MFHAS1: variants seen among roughly 807,000 people sequenced by gnomAD.
MFHAS1 encodes multifunctional ROCO family signaling regulator 1, also known as malignant fibrous histiocytoma-amplified sequence 1.
Under a neutral mutation model 70.4 loss-of-function variants are expected in MFHAS1, and 50 were observed. That is an observed-to-expected ratio of 0.71 (90% confidence interval 0.57 to 0.90). The LOEUF (loss-of-function observed/expected upper bound fraction) is 0.90. Ranked by LOEUF, MFHAS1 falls within the 40% of genes least tolerant of loss-of-function variation. The pLI, the probability that MFHAS1 is intolerant of heterozygous loss-of-function variation, is 0.00. For synonymous variants in MFHAS1, 952 were observed against 620.0 expected, an observed-to-expected ratio of 1.54 and a Z score of -7.96; for missense variants, 1,795 against 1,347.6, an observed-to-expected ratio of 1.33 and a Z score of -5.20.
intron 1 of MFHAS1, among the ~76,000 whole-genome samples, chr8:8,843,255 G>A (rs539552300): frequency 6.3e-5 from 9 of 142,046 alleles, no homozygotes; most frequent in Non-Finnish European, 9.0e-5. Context: ...CCGCCTGGGC[G>A]ACAGAGCGAG....
intron 1 of MFHAS1, among the ~76,000 whole-genome samples, chr8:8,866,437 G>A (rs1391520389): frequency 6.6e-6 from 1 of 151,332 alleles, no homozygotes; most frequent in African/African-American, 2.4e-5. Flanking sequence ...TCCCACCTCA[G>A]CCTCCCCAAC....
chr8:8,846,713 G>C (rs1808051636), intron 1 of MFHAS1, among the ~76,000 whole-genome samples: 1 of 151,900 alleles, frequency 6.6e-6, no homozygotes, highest in Non-Finnish European at 1.5e-5. Context: ...TGCCTCAAAT[G>C]CTCTTCCCTC....
intron 1 of MFHAS1, among the ~76,000 whole-genome samples, chr8:8,842,388 G>T (rs906048872): frequency 2.6e-5 from 4 of 152,014 alleles, no homozygotes. Context: ...GTTTCACCAC[G>T]TTCACCAGGC....
chr8:8,826,883 C>A (rs1563192050), intron 1 of MFHAS1, among the ~76,000 whole-genome samples: 1 of 152,174 alleles, frequency 6.6e-6, no homozygotes, highest in Non-Finnish European at 1.5e-5. Context: ...AACACACCCA[C>A]ATAATTAGTA....
chr8:8,854,132 C>A (rs1169624959), intron 1 of MFHAS1, among the ~76,000 whole-genome samples: 1 of 152,142 alleles, frequency 6.6e-6, no homozygotes, highest in Non-Finnish European at 1.5e-5. Flanking sequence ...TGTGGTGGCT[C>A]ACAGCTGTAA....
In MFHAS1 at chr8:8,891,328, G is replaced by C. The variant is rs1333658401; in HGVS notation, c.1731C>G (p.Asp577Glu). Residue 577 changes from aspartate to glutamate, a missense_variant, in exon 1 of 3, where the codon GAC becomes GAG. Physicochemically the swap from Asp to Glu is conservative, Grantham distance 45. Transcript: ENST00000276282. This position sits in a 1 kb window ranked among gnomAD's most constrained non-coding sequence, Gnocchi z 5.4. ...EGLSRLAKVVDEALARDFELR... is the reference protein window; with the variant it reads ...EGLSRLAKVVEEALARDFELR... Reference sequence around the variant, plus strand: ...GCTCGAAGTCCCGGGCCAGTGCCTCGTCCACCACCTTGGCCAAGCGGCTCA... The same window carrying C: ...GCTCGAAGTCCCGGGCCAGTGCCTCCTCCACCACCTTGGCCAAGCGGCTCA... 3 of 1,611,156 alleles carry C rather than the reference G, an allele frequency of 1.9e-6. No homozygotes were observed. Among genetic ancestry groups the C allele is most frequent in the African/African-American group, 1.3e-5 (1 of 75,074 alleles).
chr8:8,873,686 G>A, intron 1 of MFHAS1, among the ~76,000 whole-genome samples: 1 of 151,970 alleles, frequency 6.6e-6, no homozygotes, highest in East Asian at 1.9e-4. Context: ...TGGAACTCGA[G>A]AGGATGGTTC....
rs137963374 is a variant in MFHAS1, at chr8:8,835,240, T to C, written c.2999-37749A>G. ...TGAATGCATGTCAAAACCCATAGAATCTATCACACACTTAAAAAAATAGGT... is the reference window on the plus strand; with the variant it reads ...TGAATGCATGTCAAAACCCATAGAACCTATCACACACTTAAAAAAATAGGT... On this transcript the variant is annotated intron_variant, in intron 1 of 2. Coordinates refer to ENST00000276282, the MANE Select transcript of MFHAS1 (RefSeq NM_004225.3). 1.1e-4 allele frequency among the ~76,000 whole-genome samples: 16 copies of C among 152,274 alleles called. No individual in the cohort carries two copies. The East Asian group carries it at 3.1e-3, about 29-fold the overall frequency.
intron 1 of MFHAS1, among the ~76,000 whole-genome samples, chr8:8,800,534 T>C (rs1252139366): frequency 6.6e-6 from 1 of 152,126 alleles, no homozygotes; most frequent in Non-Finnish European, 1.5e-5. Context: ...TGCAGGTCTG[T>C]AAACCAACCC....
intron 1 of MFHAS1, among the ~76,000 whole-genome samples, chr8:8,825,965 G>A (rs1490821040): frequency 6.6e-6 from 1 of 152,188 alleles, no homozygotes; most frequent in Non-Finnish European, 1.5e-5. Flanking sequence ...TTTTGCAGTT[G>A]AGGCTGAAGT....
chr8:8,834,504 G>C (rs1807527642), intron 1 of MFHAS1, among the ~76,000 whole-genome samples: 1 of 152,134 alleles, frequency 6.6e-6, no homozygotes, highest in South Asian at 2.1e-4. Flanking sequence ...CCTCTTCTGT[G>C]TTCACATTTG....
At chr8:8,826,991 G>A (rs1437037744) in intron 1 of MFHAS1, among the ~76,000 whole-genome samples, 7 of 152,144 alleles carry the variant, frequency 4.6e-5, no homozygotes, top group Non-Finnish European at 1.5e-5. Context: ...TGTTGTACAA[G>A]GTAAATACAT....
At chr8:8,812,171 CGTAAG>C (rs1381067908) in intron 1 of MFHAS1, among the ~76,000 whole-genome samples, 1 of 151,666 alleles carries the variant, frequency 6.6e-6, no homozygotes, top group East Asian at 2.0e-4. Flanking sequence ...CGGAGAAGCC[CGTAAG>C]TGTAGTGCAA....
At chr8:8,843,483 A>C (rs1021504913) in intron 1 of MFHAS1, among the ~76,000 whole-genome samples, 3 of 152,322 alleles carry the variant, frequency 2.0e-5, no homozygotes, top group South Asian at 2.1e-4. Context: ...CAGGATGCTG[A>C]AGCAGGAGGA....
At chr8:8,887,514 G>C (rs1809807000) in intron 1 of MFHAS1, among the ~76,000 whole-genome samples, 1 of 150,018 alleles carries the variant, frequency 6.7e-6, no homozygotes, top group Admixed American at 6.6e-5. Flanking sequence ...AAGACTATAA[G>C]ACAAAAATAT....
At position 8,891,918 on chromosome 8, in the gene MFHAS1, G is replaced by A; in HGVS notation, c.1141C>T (p.Pro381Ser). 1 of 1,610,842 alleles carries A rather than the reference G, an allele frequency of 6.2e-7. No homozygotes were observed. Among genetic ancestry groups the A allele is most frequent in the Non-Finnish European group, 8.5e-7 (1 of 1,178,252 alleles). ...KIKDNPLIQP[P>S]YEVCMKGIPY... is the part of the protein sequence containing the mutation. ...ATCCCCTTCATGCAGACCTCGTAGG[G>A]GGGCTGGATCAGTGGGTTGTCTTTG... Residue 381 changes from proline to serine, a missense_variant, in exon 1 of 3, where the codon CCC becomes TCC. Coordinates refer to ENST00000276282, the MANE Select transcript of MFHAS1 (RefSeq NM_004225.3). This position sits in a 1 kb window ranked among gnomAD's most constrained non-coding sequence, Gnocchi z 5.4.
intron 1 of MFHAS1, among the ~76,000 whole-genome samples, chr8:8,846,636 G>T (rs1483057587): frequency 1.3e-5 from 2 of 151,790 alleles, no homozygotes; most frequent in African/African-American, 4.8e-5. Flanking sequence ...CCTGCTTGCA[G>T]CCTTCCTGTT....
At chr8:8,843,935 T>C (rs1563200485) in intron 1 of MFHAS1, among the ~76,000 whole-genome samples, 1 of 152,194 alleles carries the variant, frequency 6.6e-6, no homozygotes, top group Non-Finnish European at 1.5e-5. Flanking sequence ...TATTAAAAAA[T>C]AGCAGAATCT....
At chr8:8,787,229 CG>C (rs1805579537) in intron 2 of MFHAS1, among the ~76,000 whole-genome samples, 1 of 152,012 alleles carries the variant, frequency 6.6e-6, no homozygotes, top group Non-Finnish European at 1.5e-5. Context: ...TACATGTGCC[CG>C]CCACCACACG....
Sources: gnomAD v4.1 joint callset for allele counts (sites outside exome capture counted in the v4.1 genomes callset) on GRCh38, gnomAD v4.1.1 for gene constraint, Gnocchi (gnomAD v3.1) non-coding constraint, MANE v1.5 for transcripts, NCBI Gene and HGNC (gene_info 2026-07-23, HGNC 2026-07-21) for gene names.